The following TACC2 variants were observed in gnomAD, a reference collection of about 807,000 sequenced individuals.
The protein encoded by TACC2 is transforming acidic coiled-coil-containing protein 2.
Under a neutral mutation model 227.3 loss-of-function variants are expected in TACC2, and 137 were observed. The ratio of observed to expected loss-of-function variants is 0.60; its 90% CI spans 0.52 to 0.69. The LOEUF (loss-of-function observed/expected upper bound fraction) is 0.69, where lower values mean the gene tolerates loss of function less well. TACC2 is among the 30% of genes least tolerant of loss of function. The pLI is 0.00. For missense variants in TACC2, 3,470 were observed against 3,694.4 expected, an observed-to-expected ratio of 0.94 and a Z score of 1.57; for synonymous variants, 1,523 against 1,487.5, an observed-to-expected ratio of 1.02 and a Z score of -0.55.
chr10:122,145,837 G>A (rs2091302342), intron 7 of TACC2, among the ~76,000 whole-genome samples: 1 of 152,102 alleles, frequency 6.6e-6, no homozygotes, highest in South Asian at 2.1e-4. Flanking sequence ...ATGGGCTCAC[G>A]GCTCTCAACC....
At chr10:122,114,581 G>T (rs1175384527) in intron 5 of TACC2, among the ~76,000 whole-genome samples, 1 of 152,170 alleles carries the variant, frequency 6.6e-6, no homozygotes, top group African/African-American at 2.4e-5. Context: ...CACAGGCTCT[G>T]CCTGGGACTA....
At chr10:122,002,921 G>T (rs1954587634) in intron 1 of TACC2, among the ~76,000 whole-genome samples, 1 of 151,966 alleles carries the variant, frequency 6.6e-6, no homozygotes, top group African/African-American at 2.4e-5. Flanking sequence ...TTAGGCTTTT[G>T]TCTGGGCATG....
intron 2 of TACC2, among the ~76,000 whole-genome samples, chr10:122,042,798 T>C (rs566958893): frequency 6.6e-6 from 1 of 152,292 alleles, no homozygotes; most frequent in East Asian, 1.9e-4. Context: ...TCAGAACAAT[T>C]GTACTCAGCT....
intron 1 of TACC2, among the ~76,000 whole-genome samples, chr10:121,989,862 A>G (rs899364652): frequency 1.3e-5 from 2 of 151,400 alleles, no homozygotes; most frequent in East Asian, 3.9e-4. Context: ...GGCTCAAGTG[A>G]TTCTCCTGCC....
At chr10:122,115,303 TGTGTGTGTGTGTGTGTGA>T (rs1471452745) in intron 5 of TACC2, among the ~76,000 whole-genome samples, 12 of 7,070 alleles carry the variant, frequency 1.7e-3, no homozygotes, top group African/African-American at 2.3e-3. Context: ...TGTGTGTGTG[TGTGTGTGTGTGTGTGTGA>T]GATACCTGAG....
At position 122,021,993 on chromosome 10, in the gene TACC2, G is replaced by A. The variant is rs1203183802; in HGVS notation, c.12G>A (p.Glu4=). 6.2e-7 allele frequency: 1 copy of A among 1,614,146 alleles called. No individual in the cohort carries two copies. The part of the protein sequence containing the change: MGN[E]NSTSDNQRTL... ...AACACTGAATCAACATGGGCAATGA[G>A]AACAGCACCTCGGACAACCAGGTGG... The change falls in exon 2 of 23, where the codon GAG becomes GAA. Residue 4 remains glutamate (E), a synonymous_variant. Coordinates refer to ENST00000369005, the MANE Select transcript of TACC2 (RefSeq NM_206862.4).
At chr10:122,164,953 G>A (rs1057155797) in intron 7 of TACC2, among the ~76,000 whole-genome samples, 2 of 152,128 alleles carry the variant, frequency 1.3e-5, no homozygotes, top group Admixed American at 6.5e-5. Context: ...GCCCCGGGGG[G>A]TACTTCCTCA....
At position 122,085,001 on chromosome 10, in the gene TACC2, A is replaced by G. The variant is rs2079943462; in HGVS notation, c.2501A>G (p.Gln834Arg). Residue 834 changes from glutamine (Q) to arginine (R), a missense_variant, in exon 4 of 23, where the codon CAG becomes CGG. By Grantham distance (43) the Gln-to-Arg change is conservative (BLOSUM62 1). Transcript: ENST00000369005. ...TCTGAGAAGCATCTCCAGCCATCCC[A>G]GGCACAACCAGAGACATCCATCTTT... ...LSSEKHLQPS[Q>R]AQPETSIFDV... The G allele has an allele frequency of 2.5e-6, 4 of 1,614,202 alleles. No homozygotes were observed. Among genetic ancestry groups the G allele is most frequent in the Non-Finnish European group, 3.4e-6 (4 of 1,180,036 alleles).
At chr10:122,089,453 A>G (rs1214731349) in intron 5 of TACC2, among the ~76,000 whole-genome samples, 1 of 152,250 alleles carries the variant, frequency 6.6e-6, no homozygotes, top group Non-Finnish European at 1.5e-5. Context: ...AACCACGAAC[A>G]GTGACCTTCA....
chr10:122,039,918 G>A (rs2074038750), intron 2 of TACC2, among the ~76,000 whole-genome samples: 1 of 152,136 alleles, frequency 6.6e-6, no homozygotes, highest in Admixed American at 6.6e-5. Flanking sequence ...CACTCAGCCT[G>A]AAACCTCTTC....
intron 3 of TACC2, among the ~76,000 whole-genome samples, chr10:122,055,232 A>T (rs867006744): frequency 1.3e-4 from 20 of 151,026 alleles, no homozygotes; most frequent in African/African-American, 3.4e-4. Context: ...AAAAAAAAAT[A>T]AAAAAAAAGT....
intron 19 of TACC2, among the ~76,000 whole-genome samples, chr10:122,245,306 G>A (rs2096086466): frequency 6.6e-6 from 1 of 152,172 alleles, no homozygotes; most frequent in Non-Finnish European, 1.5e-5. Context: ...ATGTACAAAA[G>A]GATTTGTGAA....
chr10:121,994,705 T>A (rs1383631860), intron 1 of TACC2: 1 of 152,772 alleles, frequency 6.5e-6, no homozygotes, highest in Admixed American at 6.5e-5. Flanking sequence ...GCTGGGGGGA[T>A]CCTGGGTGAG....
chr10:122,125,640 G>C (rs2086691359), intron 5 of TACC2, among the ~76,000 whole-genome samples: 1 of 152,352 alleles, frequency 6.6e-6, no homozygotes, highest in African/African-American at 2.4e-5. Flanking sequence ...CCAGGGCACA[G>C]AGCATGGAAT....
intron 7 of TACC2, among the ~76,000 whole-genome samples, chr10:122,147,810 C>T (rs148822290): frequency 1.2e-3 from 181 of 152,254 alleles, no homozygotes; most frequent in Non-Finnish European, 2.1e-3. Context: ...TTGTTAAAGA[C>T]CTGGCCAGCT....
chr10:122,126,315 A>ACT (rs1211692873), intron 5 of TACC2, among the ~76,000 whole-genome samples: 8 of 26,848 alleles, frequency 3.0e-4, no homozygotes, highest in African/African-American at 5.5e-4. Context: ...ATAATCCAGA[A>ACT]CTGTGTGTGT....
chr10:122,241,001 G>C (rs2095980251), intron 18 of TACC2, among the ~76,000 whole-genome samples: 1 of 152,206 alleles, frequency 6.6e-6, no homozygotes, highest in African/African-American at 2.4e-5. Flanking sequence ...GGAAGAAGAT[G>C]CGGATAAAAG....
rs578001650 is a variant in TACC2 at position 122,020,530 on chromosome 10, G to A, written c.-45-1407G>A. Among the ~76,000 whole-genome samples the A allele has an allele frequency of 7.2e-5, 11 of 152,278 alleles. No homozygotes were observed. The South Asian group carries it at 1.7e-3, about 23-fold the overall frequency. On this transcript the variant is annotated intron_variant, in intron 1 of 22. Coordinates refer to ENST00000369005, the MANE Select transcript of TACC2 (RefSeq NM_206862.4). ...AGTACGCATAGTGCAGGGTGGCTAC[G>A]CAATCAGTGTTGCTTAAATGAATAA... is the stretch of plus-strand genomic sequence containing the variant.
intron 5 of TACC2, chr10:122,088,839 G>A (rs1306167949): frequency 7.8e-7 from 1 of 1,278,394 alleles, no homozygotes; most frequent in Non-Finnish European, 1.1e-6. Context: ...TAAAAAGTCA[G>A]TCTGGGTGCG....
Sources: allele counts gnomAD v4.1 joint callset (sites outside exome capture counted in the v4.1 genomes callset), GRCh38; gene constraint gnomAD v4.1.1; transcripts MANE v1.5; gene names NCBI Gene and HGNC (gene_info 2026-07-23, HGNC 2026-07-21).